CA8: variants seen among roughly 807,000 people sequenced by gnomAD.
The protein encoded by CA8 is carbonic anhydrase-related protein.
In CA8, 22 loss-of-function variants were observed where a neutral mutation model predicts 41.4. That is an observed-to-expected ratio of 0.53 (90% CI 0.38 to 0.76). The LOEUF (loss-of-function observed/expected upper bound fraction) is 0.76, where lower values mean the gene tolerates loss of function less well. Ranked by LOEUF, CA8 falls within the 30% of genes least tolerant of loss-of-function variation. CA8 has a pLI of 0.00. For synonymous variants in CA8, 121 were observed against 130.6 expected (o/e 0.93, Z 0.50); for missense variants, 270 against 352.8 (o/e 0.77, Z 1.88).
chr8:60,251,015 A>G (rs1245671069), intron 3 of CA8, among the ~76,000 whole-genome samples: 1 of 152,200 alleles, frequency 6.6e-6, no homozygotes, highest in African/African-American at 2.4e-5. Context: ...ATAGCTATAT[A>G]TATATTTATA....
intron 3 of CA8, among the ~76,000 whole-genome samples, chr8:60,258,106 C>A (rs1375335289): frequency 6.6e-6 from 1 of 152,224 alleles, no homozygotes; most frequent in Non-Finnish European, 1.5e-5. Flanking sequence ...CCAGCGTCTC[C>A]ACACTGTACA....
At chr8:60,260,125 T>G (rs1314733195) in intron 3 of CA8, among the ~76,000 whole-genome samples, 2 of 152,198 alleles carry the variant, frequency 1.3e-5, no homozygotes, top group East Asian at 3.8e-4. Flanking sequence ...AATAATTGTC[T>G]GTGGAAGGTG....
chr8:60,248,678 G>C (rs1157578122), intron 3 of CA8, among the ~76,000 whole-genome samples: 1 of 152,130 alleles, frequency 6.6e-6, no homozygotes, highest in African/African-American at 2.4e-5. Flanking sequence ...TTTGAAGTCA[G>C]GTAGCATGAT....
chr8:60,270,171 T>G (rs1414376805), intron 2 of CA8, among the ~76,000 whole-genome samples: 1 of 152,194 alleles, frequency 6.6e-6, no homozygotes, highest in Non-Finnish European at 1.5e-5. Flanking sequence ...ACTAACATGA[T>G]CATATCTGCA....
intron 8 of CA8, among the ~76,000 whole-genome samples, chr8:60,203,208 G>C (rs1474431140): frequency 1.3e-5 from 2 of 152,018 alleles, no homozygotes; most frequent in African/African-American, 2.4e-5. Context: ...AGATTTCTAG[G>C]AGTGACCCAA....
At chr8:60,190,021 T>C (rs1200562948) in intron 8 of CA8, 36 bp from the exon 9 acceptor site, 1 of 151,522 alleles carries the variant, frequency 6.6e-6, no homozygotes, top group African/African-American at 2.4e-5. Context: ...GAATCAATTA[T>C]GTTACTGATA....
chr8:60,191,058 GGT>G (rs1806115474), intron 8 of CA8, among the ~76,000 whole-genome samples: 1 of 150,482 alleles, frequency 6.6e-6, no homozygotes, highest in Admixed American at 6.6e-5. Flanking sequence ...TATAATGCTG[GGT>G]TATGTATTTC....
At chr8:60,242,403 G>A (rs1484383281) in intron 3 of CA8, among the ~76,000 whole-genome samples, 1 of 152,210 alleles carries the variant, frequency 6.6e-6, no homozygotes, top group Non-Finnish European at 1.5e-5. Context: ...GCAAACAAGT[G>A]ACAGAGACAG....
At chr8:60,208,655 T>C in intron 8 of CA8, 95 bp downstream of exon 8, 1 of 1,082,670 alleles carries the variant, frequency 9.2e-7, no homozygotes. Flanking sequence ...CATACGCTTT[T>C]ATTACTAAAT....
At chr8:60,249,905 A>G (rs1167724955) in intron 3 of CA8, among the ~76,000 whole-genome samples, 5 of 152,244 alleles carry the variant, frequency 3.3e-5, no homozygotes, top group Admixed American at 3.3e-4. Flanking sequence ...GAATGGATTG[A>G]TTACTGATGT....
At chr8:60,273,577 T>A (rs1279928577) in intron 2 of CA8, among the ~76,000 whole-genome samples, 1 of 152,154 alleles carries the variant, frequency 6.6e-6, no homozygotes, top group East Asian at 1.9e-4. Context: ...AGAAGAGGGT[T>A]CAGAAGGAAA....
chr8:60,228,978 C>A (rs540419432), intron 4 of CA8, among the ~76,000 whole-genome samples: 1 of 152,274 alleles, frequency 6.6e-6, no homozygotes, highest in East Asian at 1.9e-4. Flanking sequence ...AATCTCCACA[C>A]CCCAGCTGCT....
At chr8:60,268,594 T>C (rs997052138) in intron 2 of CA8, among the ~76,000 whole-genome samples, 3 of 152,204 alleles carry the variant, frequency 2.0e-5, no homozygotes, top group Non-Finnish European at 2.9e-5. Context: ...CACAGACCCA[T>C]GTTTTGATAG....
chr8:60,192,829 C>T (rs12550522), intron 8 of CA8, among the ~76,000 whole-genome samples: 1 of 151,948 alleles, frequency 6.6e-6, no homozygotes, highest in Non-Finnish European at 1.5e-5. Flanking sequence ...CACTAGAGAG[C>T]TAAATGGCAT....
At chr8:60,224,499 A>G (rs1206615125) in intron 6 of CA8, 38 bp downstream of exon 6, 2 of 1,159,674 alleles carry the variant, frequency 1.7e-6, no homozygotes, top group East Asian at 4.7e-5. Context: ...CTATAGCCAC[A>G]GTTAAAATTC....
chr8:60,273,153 A>T (rs1213200127), intron 2 of CA8, among the ~76,000 whole-genome samples: 1 of 152,250 alleles, frequency 6.6e-6, no homozygotes, highest in African/African-American at 2.4e-5. Context: ...TGAAGGATGA[A>T]AGGCTGTCAT....
intron 3 of CA8, among the ~76,000 whole-genome samples, chr8:60,239,789 G>A (rs574982663): frequency 3.9e-5 from 6 of 152,276 alleles, no homozygotes; most frequent in African/African-American, 1.4e-4. Flanking sequence ...TGTCCTCGTG[G>A]TAGTGAATAA....
intron 7 of CA8, among the ~76,000 whole-genome samples, chr8:60,213,404 G>A (rs1806908776): frequency 1.3e-5 from 2 of 152,212 alleles, no homozygotes; most frequent in Admixed American, 1.3e-4. Flanking sequence ...GGAAAGTGCT[G>A]CCTATCACTT....
intron 3 of CA8, among the ~76,000 whole-genome samples, chr8:60,234,256 A>C (rs2130501401): frequency 6.6e-6 from 1 of 152,332 alleles, no homozygotes; most frequent in South Asian, 2.1e-4. Context: ...CATCAGAAAC[A>C]AGGAAAGCCT....
Sources: allele counts gnomAD v4.1 joint callset (sites outside exome capture counted in the v4.1 genomes callset), GRCh38; gene constraint gnomAD v4.1.1; transcripts MANE v1.5; gene names NCBI Gene and HGNC (gene_info 2026-07-23, HGNC 2026-07-21).